USH2A: variants seen among roughly 807,000 people sequenced by gnomAD.
USH2A encodes the protein Usher syndrome 2A (autosomal recessive, mild).
Under a neutral mutation model 538.9 loss-of-function variants are expected in USH2A, and 443 were observed. The ratio of observed to expected loss-of-function variants is 0.82; its 90% CI spans 0.76 to 0.89. USH2A has a LOEUF of 0.89. USH2A is among the 40% of genes least tolerant of loss of function. The probability of loss-of-function intolerance (pLI) is 0.00; values close to 1 mark genes in which losing one functional copy is unlikely to be tolerated. For missense variants in USH2A, 6,633 were observed against 6,324.8 expected (o/e 1.05, Z -1.65); for synonymous variants, 2,413 against 2,273.5 (o/e 1.06, Z -1.75).
chr1:215,724,715 T>A (rs11802937), intron 61 of USH2A, among the ~76,000 whole-genome samples: 6,154 of 152,192 alleles, frequency 0.04, 383 homozygotes, highest in African/African-American at 0.13. Context: ...AGCCTGTGCC[T>A]CAGAACGAAT....
chr1:216,126,943 G>A (rs1348489105), intron 21 of USH2A, among the ~76,000 whole-genome samples: 1 of 152,268 alleles, frequency 6.6e-6, no homozygotes, highest in East Asian at 1.9e-4. Flanking sequence ...ATGTATGTTT[G>A]ATAAAGATGA....
chr1:215,758,414 T>C (rs1660875179), intron 58 of USH2A, among the ~76,000 whole-genome samples, 181 bp downstream of exon 58: 1 of 152,198 alleles, frequency 6.6e-6, no homozygotes, highest in Non-Finnish European at 1.5e-5. Context: ...TCTCTACGTA[T>C]GTATGTATGT....
intron 20 of USH2A, among the ~76,000 whole-genome samples, chr1:216,180,643 A>G (rs1423407474): frequency 7.9e-5 from 12 of 152,114 alleles, no homozygotes; most frequent in African/African-American, 2.4e-5. Flanking sequence ...TTTTTTGCCT[A>G]TGAAGACTGT....
chr1:216,135,179 TAC>T (rs71161405), intron 21 of USH2A, among the ~76,000 whole-genome samples: 22 of 135,402 alleles, frequency 1.6e-4, no homozygotes, highest in Non-Finnish European at 2.6e-4. Context: ...CACACACACA[TAC>T]ACACACACAC....
At chr1:215,819,610 A>G (rs1662954062) in intron 47 of USH2A, among the ~76,000 whole-genome samples, 1 of 151,798 alleles carries the variant, frequency 6.6e-6, no homozygotes, top group South Asian at 2.1e-4. Context: ...TATTCTCTGC[A>G]TAATCAACTA....
intron 54 of USH2A, among the ~76,000 whole-genome samples, chr1:215,781,783 GA>G (rs1661649288): frequency 6.6e-6 from 1 of 152,140 alleles, no homozygotes; most frequent in Non-Finnish European, 1.5e-5. Context: ...GAATGTGGAA[GA>G]AAAGATGGTA....
chr1:216,348,901 G>A (rs2038226641), intron 4 of USH2A, among the ~76,000 whole-genome samples: 1 of 151,994 alleles, frequency 6.6e-6, no homozygotes, highest in Admixed American at 6.6e-5. Flanking sequence ...TCAAAATCTG[G>A]ATCAATATTC....
intron 36 of USH2A, among the ~76,000 whole-genome samples, chr1:215,968,783 A>T (rs1330955813): frequency 6.6e-6 from 1 of 152,178 alleles, no homozygotes; most frequent in African/African-American, 2.4e-5. Context: ...TTTCAATGAA[A>T]TTTTTTATTT....
At chr1:216,267,282 CA>C (rs2036491890) in intron 11 of USH2A, among the ~76,000 whole-genome samples, 1 of 152,038 alleles carries the variant, frequency 6.6e-6, no homozygotes. Context: ...TTTAAAAAGA[CA>C]GAGGTCCTTG....
At chr1:215,755,853 A>G (rs1045592798) in intron 58 of USH2A, among the ~76,000 whole-genome samples, 131 of 152,300 alleles carry the variant, frequency 8.6e-4, no homozygotes, top group African/African-American at 3.1e-3. Flanking sequence ...TACATTTCTA[A>G]ATGGAAACAT....
intron 26 of USH2A, among the ~76,000 whole-genome samples, chr1:216,082,709 T>C (rs2031991309): frequency 6.6e-6 from 1 of 152,094 alleles, no homozygotes; most frequent in African/African-American, 2.4e-5. Context: ...GAGAAATGTA[T>C]AAAAATGTTT....
At chr1:216,093,620 T>G (rs2032358951) in intron 22 of USH2A, among the ~76,000 whole-genome samples, 1 of 152,168 alleles carries the variant, frequency 6.6e-6, no homozygotes, top group Non-Finnish European at 1.5e-5. Flanking sequence ...CCTTTAGAAA[T>G]AGCAACACCA....
At chr1:216,006,752 G>C (rs1668401342) in intron 32 of USH2A, among the ~76,000 whole-genome samples, 2 of 152,154 alleles carry the variant, frequency 1.3e-5, no homozygotes, top group African/African-American at 4.8e-5. Flanking sequence ...GAAGCCCTTA[G>C]AGCTTCCTCT....
At chr1:215,691,927 G>A (rs1658626723) in intron 61 of USH2A, among the ~76,000 whole-genome samples, 1 of 151,998 alleles carries the variant, frequency 6.6e-6, no homozygotes, top group Non-Finnish European at 1.5e-5. Flanking sequence ...AGAAGAGAGA[G>A]CTCAGGACCA....
intron 47 of USH2A, among the ~76,000 whole-genome samples, chr1:215,819,715 T>A (rs1326944078): frequency 6.6e-6 from 1 of 151,814 alleles, no homozygotes; most frequent in East Asian, 1.9e-4. Flanking sequence ...GTAGAGCACG[T>A]TCCATGCCAT....
intron 32 of USH2A, among the ~76,000 whole-genome samples, chr1:216,031,270 G>T (rs1669115359): frequency 6.6e-6 from 1 of 151,934 alleles, no homozygotes; most frequent in Non-Finnish European, 1.5e-5. Flanking sequence ...CCCCATAATT[G>T]AGCCCCCTAT....
chr1:216,285,124 C>T (rs1461762028), intron 11 of USH2A, among the ~76,000 whole-genome samples: 6 of 152,160 alleles, frequency 3.9e-5, no homozygotes, highest in African/African-American at 1.2e-4. Flanking sequence ...TAACAAGAAG[C>T]CAAATGTTAA....
At chr1:216,339,758 C>A (rs1376766520) in intron 4 of USH2A, among the ~76,000 whole-genome samples, 3 of 150,594 alleles carry the variant, frequency 2.0e-5, no homozygotes, top group African/African-American at 7.5e-5. Flanking sequence ...GAAATTAAAG[C>A]AGACATCAAG....
chr1:215,685,297 T>C (rs1369540358), intron 61 of USH2A, among the ~76,000 whole-genome samples: 3 of 151,834 alleles, frequency 2.0e-5, no homozygotes. Context: ...GATCAACATA[T>C]TTATGTCTAA....
Sources: gnomAD v4.1 joint callset for allele counts (sites outside exome capture counted in the v4.1 genomes callset) on GRCh38, gnomAD v4.1.1 for gene constraint, MANE v1.5 for transcripts, NCBI Gene and HGNC (gene_info 2026-07-23, HGNC 2026-07-21) for gene names.